NOMO2: variants seen among roughly 807,000 people sequenced by gnomAD.
NOMO2 encodes NODAL modulator 2.
A neutral mutation model predicts 67.1 loss-of-function variants in NOMO2; 14 were observed. The observed-to-expected ratio is 0.21, with a 90% CI of 0.14 to 0.33. The LOEUF (loss-of-function observed/expected upper bound fraction) is 0.33, where lower values mean the gene tolerates loss of function less well. Ranked by LOEUF, NOMO2 falls within the 10% of genes least tolerant of loss-of-function variation. NOMO2 has a pLI of 1.00. For missense variants in NOMO2, 178 were observed against 761.0 expected, an observed-to-expected ratio of 0.23 and a Z score of 9.01; for synonymous variants, 80 against 305.9, an observed-to-expected ratio of 0.26 and a Z score of 7.71.
At chr16:18,554,417 T>A (rs544184630) in intron 3 of NOMO2, among the ~76,000 whole-genome samples, 1 of 151,864 alleles carries the variant, frequency 6.6e-6, no homozygotes, top group African/African-American at 2.4e-5. Context: ...AATCTCACAA[T>A]CTTTAAATGT....
At chr16:18,545,797 T>TA (rs1328250667) in intron 6 of NOMO2, among the ~76,000 whole-genome samples, 1 of 56,462 alleles carries the variant, frequency 1.8e-5, no homozygotes, top group Non-Finnish European at 3.4e-5. Context: ...TAAAGAAATT[T>TA]AAAAAAATAC....
At chr16:18,539,084 C>T in intron 9 of NOMO2, 120 bp from the exon 10 acceptor site, 1 of 685,454 alleles carries the variant, frequency 1.5e-6, no homozygotes, top group Non-Finnish European at 2.7e-6. Flanking sequence ...CACCTCCCAA[C>T]ACTCAGTGCC....
At position 18,550,567 on chromosome 16, in the gene NOMO2, G is replaced by A. The variant is rs376994873; in HGVS notation, c.402+872C>T. Among the ~76,000 whole-genome samples, 4 of 151,518 alleles carry A rather than the reference G, an allele frequency of 2.6e-5. 1 individual carries two copies. In the East Asian group the frequency reaches 5.8e-4, roughly 22 times the overall value. ...GAAGAGAAGGACAGGAAGGAAGGAA[G>A]CACATCTCAACCTCAGGCACAGGGC... On this transcript the variant is annotated intron_variant, in intron 4 of 30. Transcript: ENST00000622306.
intron 11 of NOMO2, chr16:18,533,665 A>T (rs1411618789): frequency 1.3e-5 from 2 of 159,412 alleles, no homozygotes; most frequent in African/African-American, 4.8e-5. Flanking sequence ...GTGATTATAT[A>T]TAATACATGG....
At chr16:18,562,112 C>T (rs1902072210), upstream of NOMO2, 3 of 1,339,430 alleles carry the variant, frequency 2.2e-6, no homozygotes, top group Admixed American at 1.2e-4. Context: ...GCCGCAGGCT[C>T]CTTCCTCCTC....
chr16:18,526,682 C>T (rs1221093171), intron 16 of NOMO2, among the ~76,000 whole-genome samples: 4 of 151,548 alleles, frequency 2.6e-5, no homozygotes, highest in African/African-American at 9.7e-5. Context: ...GTATGATAAA[C>T]GTCCAAAAAA....
chr16:18,535,338 G>T (rs1234374905), intron 11 of NOMO2, among the ~76,000 whole-genome samples: 2 of 151,908 alleles, frequency 1.3e-5, no homozygotes, highest in South Asian at 2.1e-4. Context: ...AAAAGGAAAA[G>T]AAATAGTAAG....
At position 18,552,780 on chromosome 16, in the gene NOMO2, C is replaced by T. The variant is rs1901817530; in HGVS notation, c.302-1241G>A. Among the ~76,000 whole-genome samples, 8 of 152,144 alleles carry T rather than the reference C, an allele frequency of 5.3e-5. 1 individual carries two copies. Among genetic ancestry groups the T allele is most frequent in the Admixed American group, 3.9e-4 (6 of 15,274 alleles). Reference sequence around the variant, plus strand: ...TGCATCCACTTTGGATGTTTGCAAACACCTAAAGCTGAGCATGTATCAGCT... The same window carrying T: ...TGCATCCACTTTGGATGTTTGCAAATACCTAAAGCTGAGCATGTATCAGCT... On this transcript the variant is annotated intron_variant, in intron 3 of 30. Coordinates refer to ENST00000622306, the MANE Select transcript of NOMO2 (RefSeq NM_173614.4).
intron 8 of NOMO2, 27 bp downstream of exon 8, chr16:18,542,565 TAA>T (rs1412251689): frequency 3.4e-6 from 4 of 1,173,796 alleles, no homozygotes; most frequent in Non-Finnish European, 3.7e-6. Context: ...GTCCCAGACA[TAA>T]ACAGAACGGA....
In NOMO2 at chr16:18,534,224, T is replaced by C. The variant is rs562565685; in HGVS notation, c.1221-1045A>G. 4.3e-3 allele frequency among the ~76,000 whole-genome samples: 654 copies of C among 151,752 alleles called. 5 individuals are homozygous for C. Among genetic ancestry groups the C allele is most frequent in the African/African-American group, 0.015 (628 of 41,390 alleles). Reference sequence around the variant, plus strand: ...TCAGAGTGAAGGGACTGCCCAGCCATATGAGCTCACTATCTCCAGCATGGG... The same window carrying C: ...TCAGAGTGAAGGGACTGCCCAGCCACATGAGCTCACTATCTCCAGCATGGG... On this transcript the variant is annotated intron_variant, in intron 11 of 30. Transcript: ENST00000622306.
Position 18,559,789 on chromosome 16 carries a change from C to A in NOMO2, c.166-1998G>T, listed in dbSNP as rs1486380554. ...CCAAGGGTGGCAGCCTAAAGATCGG[C>A]TGGTTTTCCAGAGAAATAAAGAACC... On this transcript the variant is annotated intron_variant, in intron 1 of 30. Transcript: ENST00000622306. 1.3e-5 allele frequency among the ~76,000 whole-genome samples: 2 copies of A among 152,024 alleles called. 1 individual carries two copies. Among genetic ancestry groups the A allele is most frequent in the African/African-American group, 4.8e-5 (2 of 41,406 alleles).
intron 9 of NOMO2, among the ~76,000 whole-genome samples, chr16:18,541,813 G>A (rs1438699503): frequency 7.3e-6 from 1 of 137,606 alleles, no homozygotes; most frequent in South Asian, 2.4e-4. Context: ...CTGCACTCCA[G>A]CTTGAGCCAC....
At chr16:18,526,737 C>T (rs1901154805) in intron 16 of NOMO2, among the ~76,000 whole-genome samples, 1 of 151,914 alleles carries the variant, frequency 6.6e-6, no homozygotes. Context: ...CTGGCCATGG[C>T]TAGAAACAGG....
At chr16:18,561,173 TAAAAAAAAAAAAAAAAAAA>T (rs756246897) in intron 1 of NOMO2, among the ~76,000 whole-genome samples, 37 of 32,446 alleles carry the variant, frequency 1.1e-3, no homozygotes, top group African/African-American at 1.4e-3. Flanking sequence ...ACAACTTAAT[TAAAAAAAAAAAAAAAAAAA>T]AAAAAAAAAA....
intron 3 of NOMO2, among the ~76,000 whole-genome samples, chr16:18,552,748 A>C (rs934009899): frequency 1.3e-5 from 2 of 152,130 alleles, no homozygotes; most frequent in Middle Eastern, 3.4e-3. Flanking sequence ...GGGAGAACAC[A>C]AACTGGTGCA....
intron 3 of NOMO2, among the ~76,000 whole-genome samples, chr16:18,552,469 G>GAA (rs1342728770): frequency 1.0e-5 from 1 of 97,638 alleles, no homozygotes; most frequent in Non-Finnish European, 2.2e-5. Flanking sequence ...ACGCGTACAT[G>GAA]CACACACACA....
intron 14 of NOMO2, among the ~76,000 whole-genome samples, chr16:18,529,937 A>G (rs1415118164): frequency 6.7e-6 from 1 of 149,958 alleles, no homozygotes; most frequent in African/African-American, 2.5e-5. Flanking sequence ...CCAACATAGC[A>G]AAACCCCATC....
At chr16:18,561,288 T>C (rs1388795791) in intron 1 of NOMO2, among the ~76,000 whole-genome samples, 3 of 141,676 alleles carry the variant, frequency 2.1e-5, no homozygotes, top group East Asian at 2.2e-4. Context: ...TTTTCAGAAG[T>C]GGAGGGGAGC....
At chr16:18,541,560 A>G (rs1426825447) in intron 9 of NOMO2, among the ~76,000 whole-genome samples, 10 of 150,744 alleles carry the variant, frequency 6.6e-5, no homozygotes, top group African/African-American at 2.2e-4. Context: ...CATGAGGTCT[A>G]GCCAGGTGCG....
Sources: gnomAD v4.1 joint callset for allele counts (sites outside exome capture counted in the v4.1 genomes callset) on GRCh38, gnomAD v4.1.1 for gene constraint, MANE v1.5 for transcripts, NCBI Gene and HGNC (gene_info 2026-07-23, HGNC 2026-07-21) for gene names.